Variants in TRIM29 observed in about 807,000 individuals in gnomAD.
The protein encoded by TRIM29 is tripartite motif-containing protein 29.
TRIM29 carries 52 observed loss-of-function variants against 57.3 expected under a neutral mutation model. The observed-to-expected ratio is 0.91, with a 90% CI of 0.73 to 1.14. The LOEUF is 1.14. TRIM29 is among the 50% of genes most tolerant of loss of function. TRIM29 has a pLI of 0.00. For synonymous variants in TRIM29, 319 were observed against 316.9 expected (o/e 1.01, Z -0.07); for missense variants, 753 against 774.6 (o/e 0.97, Z 0.33).
intron 6 of TRIM29, 24 bp from the exon 7 acceptor site, chr11:120,118,345 C>G: frequency 6.3e-7 from 1 of 1,578,508 alleles, no homozygotes; most frequent in Non-Finnish European, 8.7e-7. Context: ...GAAGGGCTGT[C>G]AGGCCCCCAC....
intron 4 of TRIM29, 93 bp from the exon 5 acceptor site, chr11:120,123,148 A>T: frequency 9.9e-7 from 1 of 1,015,096 alleles, no homozygotes; most frequent in South Asian, 1.3e-5. Flanking sequence ...GTCACCCCAT[A>T]GCCCTTCCCC....
At position 120,123,010 on chromosome 11, in the gene TRIM29, C is replaced by A; in HGVS notation, c.1379G>T (p.Gly460Val). 1 of 1,614,106 alleles carries A rather than the reference C, an allele frequency of 6.2e-7. No homozygotes were observed. Among genetic ancestry groups the A allele is most frequent in the South Asian group, 1.1e-5 (1 of 91,058 alleles). ...YVNNYTNSFG[G>V]EWSAPDTMKR... Reference sequence around the variant, plus strand: ...CATGGTGTCCGGTGCACTCCACTCACCCCCGAAGCTGTTCGTGTAGTTGTT... The same window carrying A: ...CATGGTGTCCGGTGCACTCCACTCAACCCCGAAGCTGTTCGTGTAGTTGTT... Residue 460 changes from glycine to valine, a missense_variant, in exon 5 of 9, where the codon GGT (glycine) becomes GTT (valine). By Grantham distance (109) the Gly-to-Val change is moderately radical. Transcript: ENST00000341846.
At chr11:120,113,532 C>G (rs938013782) in intron 8 of TRIM29, 26 of 432,610 alleles carry the variant, frequency 6.0e-5, no homozygotes, top group Non-Finnish European at 1.2e-4. Context: ...CCCTCACACA[C>G]ACACCTCAAG....
Position 120,137,116 on chromosome 11 carries a change from A to G in TRIM29, c.804+112T>C. 1 of 1,148,702 alleles carries G rather than the reference A, an allele frequency of 8.7e-7. No homozygotes were observed. The highest frequency in any genetic ancestry group is 1.2e-6 in the Non-Finnish European group (1 of 809,270). The allele number at this position is 1,148,702 out of a possible 1,614,324, so 71.2% of individuals were successfully genotyped here. ...AATGTTTTCTAAAAGAGCCAAGGAC[A>G]GTAGAAACTTAAGCCCCAAACCCGA... On this transcript the variant is annotated intron_variant, in intron 1 of 8. Transcript: ENST00000341846. This position sits in a 1 kb window ranked among gnomAD's most constrained non-coding sequence, Gnocchi z 6.2.
At chr11:120,126,569 G>A (rs182541634) in intron 3 of TRIM29, among the ~76,000 whole-genome samples, 14 of 152,152 alleles carry the variant, frequency 9.2e-5, no homozygotes, top group Admixed American at 3.9e-4. Flanking sequence ...ACTTTTACAC[G>A]CCATGCTCAG....
At chr11:120,120,928 G>T in intron 5 of TRIM29, 1 of 554,392 alleles carries the variant, frequency 1.8e-6, no homozygotes, top group Non-Finnish European at 3.4e-6. Context: ...AGAAGCAGTA[G>T]GCTCTCAGCC....
rs778532772 is a variant in TRIM29 at position 120,121,689 on chromosome 11, C to T, written c.1436-1024G>A. ...CAAGATGCCCCAGGCCCTAGGCCCT[C>T]GGGGTGGCATCATAGTGGGTGCTGC... On this transcript the variant is annotated intron_variant, in intron 5 of 8. Transcript: ENST00000341846. The T allele has an allele frequency of 7.1e-4, 155 of 218,426 alleles. 1 individual carries two copies. The highest frequency in any genetic ancestry group is 7.7e-4 in the Non-Finnish European group (78 of 101,910). 13.5% of individuals were successfully genotyped at this position (218,426 alleles called of 1,614,324 possible). A position where few individuals can be genotyped will look rare whatever the true frequency, so the allele number is the denominator to read the frequency against.
In TRIM29 at chr11:120,137,915, A is replaced by ATCCTTGCCG; in HGVS notation, c.108_116dup (p.Gly37_Asp39dup). The stretch of plus-strand genomic sequence containing the variant: ...CGCCGTGCCCGTTGGTGGTCTTGGC[A>ATCCTTGCCG]TCCTTGCCGTCAGCCTTGGTGCCAT... On this transcript the variant is annotated inframe_insertion, in exon 1 of 9. Transcript: ENST00000341846. This position sits in a 1 kb window ranked among gnomAD's most constrained non-coding sequence, Gnocchi z 6.2. The ATCCTTGCCG allele has an allele frequency of 6.2e-7, 1 of 1,610,246 alleles. No individual in the cohort carries two copies. The highest frequency in any genetic ancestry group is 8.5e-7 in the Non-Finnish European group (1 of 1,180,008).
intron 7 of TRIM29, chr11:120,117,400 G>A (rs1452571675): frequency 6.4e-6 from 1 of 155,276 alleles, no homozygotes; most frequent in African/African-American, 2.4e-5. Context: ...GGCCGGAAGG[G>A]ACAACTGAGT....
At chr11:120,128,363 GT>G in intron 2 of TRIM29, 36 bp downstream of exon 2, 1 of 1,598,198 alleles carries the variant, frequency 6.3e-7, no homozygotes. Flanking sequence ...GCCAGGTCGG[GT>G]AAGGGAGCAG....
intron 1 of TRIM29, among the ~76,000 whole-genome samples, chr11:120,136,823 A>G (rs1863825721): frequency 6.8e-6 from 1 of 147,488 alleles, no homozygotes; most frequent in African/African-American, 2.4e-5. Flanking sequence ...GAAGAAGAGG[A>G]GGAAGAAGAG....
intron 6 of TRIM29, 139 bp from the exon 7 acceptor site, chr11:120,118,460 CG>C: frequency 1.6e-6 from 1 of 622,980 alleles, no homozygotes; most frequent in East Asian, 2.8e-5. Flanking sequence ...ATCCCAGTGA[CG>C]CCTCACCCCC....
chr11:120,129,465 TC>T (rs1473045631), intron 1 of TRIM29, among the ~76,000 whole-genome samples: 17 of 152,028 alleles, frequency 1.1e-4, no homozygotes, highest in Admixed American at 4.6e-4. Flanking sequence ...GCTCCAGATC[TC>T]CCCACTACCA....
Position 120,137,723 on chromosome 11 carries a change from C to T in TRIM29, c.309G>A (p.Arg103=). 1 of 1,612,708 alleles carries T rather than the reference C, an allele frequency of 6.2e-7. No homozygotes were observed. The highest frequency in any genetic ancestry group is 8.5e-7 in the Non-Finnish European group (1 of 1,180,012). The part of the protein sequence containing the change: ...YFSMDSMEGK[R]SPYAGLQLGA... ...CCAGCTGGAGCCCTGCGTACGGCGA[C>T]CTCTTGCCTTCCATAGAGTCCATGC... The change falls in exon 1 of 9, where the codon AGG becomes AGA. Residue 103 remains arginine, a synonymous_variant. Transcript: ENST00000341846. This position sits in a 1 kb window ranked among gnomAD's most constrained non-coding sequence, Gnocchi z 6.2.
intron 6 of TRIM29, chr11:120,118,864 T>A (rs530294): frequency 0.12 from 18,679 of 152,796 alleles, 1,359 homozygotes; most frequent in South Asian, 0.33. Flanking sequence ...TTCAGCTTCA[T>A]CCCCACATCG....
At chr11:120,126,258 CT>C (rs35133292) in intron 3 of TRIM29, 59,241 of 152,616 alleles carry the variant, frequency 0.39, 11,129 homozygotes, top group Non-Finnish European at 0.43. Flanking sequence ...TTCTTTCTTT[CT>C]TTTTTTTTTT....
rs1185831104 is a variant in TRIM29, at chr11:120,137,487, T to G, written c.545A>C (p.Lys182Thr). 7.5e-6 allele frequency: 12 copies of G among 1,602,548 alleles called. No individual in the cohort carries two copies. The highest frequency in any genetic ancestry group is 1.0e-5 in the Non-Finnish European group (12 of 1,179,876). Residue 182 changes from lysine to threonine, a missense_variant, in exon 1 of 9, where the codon AAG becomes ACG. Physicochemically the swap from Lys to Thr is moderately conservative, Grantham distance 78 (BLOSUM62 -1). Coordinates refer to ENST00000341846, the MANE Select transcript of TRIM29 (RefSeq NM_012101.4). The surrounding 1 kb of genome is among the most constrained non-coding windows in gnomAD (Gnocchi z 6.2). Reference protein sequence around the residue: ...LCDSCIGNKQKAVKSCLVCQA... With the variant: ...LCDSCIGNKQTAVKSCLVCQA... ...GCACACCAGGCAGGACTTGACCGCCTTCTGCTTGTTGCCGATGCAGGAGTC... is the reference window on the plus strand; with the variant it reads ...GCACACCAGGCAGGACTTGACCGCCGTCTGCTTGTTGCCGATGCAGGAGTC...
chr11:120,136,269 C>A (rs770269049), intron 1 of TRIM29, among the ~76,000 whole-genome samples: 6 of 152,182 alleles, frequency 3.9e-5, no homozygotes, highest in African/African-American at 4.8e-5. Flanking sequence ...TACACCTAGC[C>A]TACCAAGCAT....
At position 120,137,025 on chromosome 11, in the gene TRIM29, G is replaced by T. The variant is rs1863830482; in HGVS notation, c.804+203C>A. Among the ~76,000 whole-genome samples the T allele has an allele frequency of 6.6e-6, 1 of 152,166 alleles. No individual in the cohort carries two copies. On this transcript the variant is annotated intron_variant, in intron 1 of 8. Coordinates refer to ENST00000341846, the MANE Select transcript of TRIM29 (RefSeq NM_012101.4). The surrounding 1 kb of genome is among the most constrained non-coding windows in gnomAD (Gnocchi z 6.2). ...ATGTCCCTGTCTCCTGAGACCTTAGGGGATTGGGGAGCAACCTCTGATCCC... is the reference window on the plus strand; with the variant it reads ...ATGTCCCTGTCTCCTGAGACCTTAGTGGATTGGGGAGCAACCTCTGATCCC...
Sources: gnomAD v4.1 joint callset for allele counts (sites outside exome capture counted in the v4.1 genomes callset) on GRCh38, gnomAD v4.1.1 for gene constraint, Gnocchi (gnomAD v3.1) non-coding constraint, MANE v1.5 for transcripts, NCBI Gene and HGNC (gene_info 2026-07-23, HGNC 2026-07-21) for gene names.